EVC2: variants seen among roughly 807,000 people sequenced by gnomAD.
EVC2 encodes EvC ciliary complex subunit 2.
In EVC2, 148 loss-of-function variants were observed where a neutral mutation model predicts 149.3. The observed-to-expected ratio is 0.99, with a 90% CI of 0.87 to 1.14. The LOEUF is 1.14. Among genes scored for constraint, EVC2 ranks in the 50% most tolerant of loss-of-function variants. The pLI is 0.00. For synonymous variants in EVC2, 776 were observed against 649.9 expected (o/e 1.19, Z -2.95); for missense variants, 1,854 against 1,627.3 (o/e 1.14, Z -2.40).
At chr4:5,530,363 G>A in the EVC2 span, among the ~76,000 whole-genome samples, 12 of 152,130 alleles carry the variant, frequency 7.9e-5, no homozygotes, top group Admixed American at 2.0e-4. Context: ...ACGAAATTGC[G>A]TGTGTGGCTT....
At chr4:5,681,941 G>A (rs1376615795) in intron 6 of EVC2, among the ~76,000 whole-genome samples, 2 of 152,174 alleles carry the variant, frequency 1.3e-5, no homozygotes, top group Non-Finnish European at 2.9e-5. Flanking sequence ...TGGTGGTTAG[G>A]GCCAGGCTGT....
At chr4:5,642,760 A>C (rs1717432161) in intron 9 of EVC2, among the ~76,000 whole-genome samples, 1 of 152,194 alleles carries the variant, frequency 6.6e-6, no homozygotes. Flanking sequence ...CATCTTTGAT[A>C]ATTTGATTTG....
intron 17 of EVC2, among the ~76,000 whole-genome samples, chr4:5,582,498 A>G (rs77161155): frequency 0.017 from 2,553 of 152,322 alleles, 64 homozygotes; most frequent in African/African-American, 0.058. Flanking sequence ...CCCAGTGCCT[A>G]TAACTCCATT....
intron 16 of EVC2, 82 bp downstream of exon 16, chr4:5,615,339 CT>C (rs1715161594): frequency 6.2e-7 from 1 of 1,602,944 alleles, no homozygotes; most frequent in African/African-American, 1.3e-5. Context: ...CCCAAGGGCT[CT>C]GTGTGCCTGC....
chr4:5,601,318 A>T (rs904192088), intron 16 of EVC2, among the ~76,000 whole-genome samples: 21 of 152,234 alleles, frequency 1.4e-4, no homozygotes, highest in African/African-American at 4.6e-4. Context: ...TCTTAGAAAG[A>T]TATAACAAGT....
At chr4:5,663,877 C>T (rs774989371) in intron 8 of EVC2, among the ~76,000 whole-genome samples, 41 of 152,058 alleles carry the variant, frequency 2.7e-4, no homozygotes, top group Non-Finnish European at 4.7e-4. Flanking sequence ...GCCGAGATTG[C>T]GCCACTGCAC....
rs145674423 is a variant in EVC2, at chr4:5,610,970, C to T, written c.2829+4452G>A. Among the ~76,000 whole-genome samples the T allele has an allele frequency of 2.9e-3, 435 of 152,142 alleles. 1 individual carries two copies. Among genetic ancestry groups the T allele is most frequent in the African/African-American group, 1.0e-2 (414 of 41,506 alleles). On this transcript the variant is annotated intron_variant, in intron 16 of 21. Coordinates refer to ENST00000344408, the MANE Select transcript of EVC2 (RefSeq NM_147127.5). ...TAGTTGGATGGTCCTGAACAAGTCA[C>T]ACAGCCCCCAGTGATGCTGTCCCTC...
At chr4:5,578,628 G>A (rs1003789793) in intron 17 of EVC2, among the ~76,000 whole-genome samples, 1 of 152,056 alleles carries the variant, frequency 6.6e-6, no homozygotes, top group Admixed American at 6.5e-5. Context: ...ATACATAGAT[G>A]TTGATGATGG....
chr4:5,536,908 G>T, the EVC2 span, among the ~76,000 whole-genome samples: 1 of 152,058 alleles, frequency 6.6e-6, no homozygotes. Flanking sequence ...CATAGAAAAA[G>T]ACAAAGCATC....
rs534711226 is a variant in EVC2 at position 5,634,507 on chromosome 4, G to T, written c.1471-2475C>A. 3.9e-5 allele frequency among the ~76,000 whole-genome samples: 6 copies of T among 152,240 alleles called. No homozygotes were observed. The South Asian group carries it at 1.2e-3, about 32-fold the overall frequency. On this transcript the variant is annotated intron_variant, in intron 10 of 21. Coordinates refer to ENST00000344408, the MANE Select transcript of EVC2 (RefSeq NM_147127.5). ...GTAATTTCCATTTAGCTTCTCACAG[G>T]CAAGATAAAAAGCAGACACACACAC...
chr4:5,630,373 C>T (rs1202259010), intron 11 of EVC2, among the ~76,000 whole-genome samples: 1 of 152,114 alleles, frequency 6.6e-6, no homozygotes, highest in Non-Finnish European at 1.5e-5. Context: ...CAGGGAAGGC[C>T]GCCTGTGCCC....
chr4:5,568,418 G>A (rs1722436788), intron 20 of EVC2, 26 bp downstream of exon 20: 1 of 1,538,386 alleles, frequency 6.5e-7, no homozygotes, highest in African/African-American at 1.4e-5. Context: ...ACGTGCCCCG[G>A]GAGGCAGCCC....
chr4:5,640,772 C>CT lies in EVC2; in HGVS notation c.1211dup (p.Asp405GlyfsTer38). 6.2e-7 allele frequency: 1 copy of CT among 1,614,134 alleles called. No individual in the cohort carries two copies. The highest frequency in any genetic ancestry group is 2.2e-5 in the East Asian group (1 of 44,886). ...TTTTCAGCAGAAGGGCAATGATATC[C>CT]TTGCTGATTTGTGTTCGACAAGCCT... On this transcript the variant is annotated frameshift_variant, in exon 10 of 22. Transcript: ENST00000344408. LOFTEE classifies it high-confidence loss of function. This position sits in a 1 kb window ranked among gnomAD's most constrained non-coding sequence, Gnocchi z 4.6.
At chr4:5,611,993 C>T (rs1209562713) in intron 16 of EVC2, among the ~76,000 whole-genome samples, 1 of 152,182 alleles carries the variant, frequency 6.6e-6, no homozygotes, top group African/African-American at 2.4e-5. Flanking sequence ...GTTGATCTTC[C>T]TTACAGATTA....
rs1720724829 is a variant in EVC2 at position 5,686,539 on chromosome 4, G to C, written c.707-1060C>G. ...GATCTCCACACACTGCCCCGAGATG[G>C]ATGGAGAACACGTGATTTTCTGCAA... On this transcript the variant is annotated intron_variant, in intron 5 of 21. Coordinates refer to ENST00000344408, the MANE Select transcript of EVC2 (RefSeq NM_147127.5). This position sits in a 1 kb window ranked among gnomAD's most constrained non-coding sequence, Gnocchi z 5.4. Among the ~76,000 whole-genome samples, 2 of 152,144 alleles carry C rather than the reference G, an allele frequency of 1.3e-5. No homozygotes were observed. Among genetic ancestry groups the C allele is most frequent in the Non-Finnish European group, 2.9e-5 (2 of 68,034 alleles).
Position 5,563,063 on chromosome 4 carries a change from T to C in EVC2, c.3712A>G (p.Lys1238Glu). 1 of 1,614,150 alleles carries C rather than the reference T, an allele frequency of 6.2e-7. No individual in the cohort carries two copies. Among genetic ancestry groups the C allele is most frequent in the Non-Finnish European group, 8.5e-7 (1 of 1,180,022 alleles). Reference sequence around the variant, plus strand: ...AGTGACAGGTGTGGCCAACTTCCTTTTCCAGAGAATATCATCCTCTCTCTG... The same window carrying C: ...AGTGACAGGTGTGGCCAACTTCCTTCTCCAGAGAATATCATCCTCTCTCTG... ...PLRERMIFSGKGSWPHLSLEP... is the reference protein window; with the variant it reads ...PLRERMIFSGEGSWPHLSLEP... The change falls in exon 22 of 22, where the codon AAA becomes GAA. Residue 1238 changes from lysine to glutamate, a missense_variant. Transcript: ENST00000344408.
At chr4:5,592,102 G>T (rs1225034936) in intron 16 of EVC2, among the ~76,000 whole-genome samples, 1 of 152,174 alleles carries the variant, frequency 6.6e-6, no homozygotes, top group Admixed American at 6.5e-5. Flanking sequence ...AGATGCAAGG[G>T]TGAGCTAGCT....
rs148508556 is a variant in EVC2 at position 5,655,118 on chromosome 4, C to T, written c.1145+7989G>A. On this transcript the variant is annotated intron_variant, in intron 9 of 21. Transcript: ENST00000344408. ...GCTGGAAGACGACAGCGAGAGTTGC[C>T]GTGGGAACCCAGCAGGCATTCCCTC... Among the ~76,000 whole-genome samples the T allele has an allele frequency of 3.3e-3, 508 of 152,276 alleles. 1 individual carries two copies. The highest frequency in any genetic ancestry group is 5.7e-3 in the Non-Finnish European group (389 of 68,024).
At position 5,685,452 on chromosome 4, in the gene EVC2, G is replaced by A; in HGVS notation, c.734C>T (p.Ala245Val). Reference protein sequence around the residue: ...QVGDAFAVSYAATLQAGDLGN... With the variant: ...QVGDAFAVSYVATLQAGDLGN... ...GAGGTCTCCAGCCTGGAGCGTGGCT[G>A]CGTAGCTGACAGCAAAGGCATCTCC... is the stretch of plus-strand genomic sequence containing the variant. The change falls in exon 6 of 22, where the codon GCA (alanine) becomes GTA (valine). Residue 245 changes from alanine (A) to valine (V), a missense_variant. Ala to Val is a moderately conservative substitution (Grantham distance 64). Transcript: ENST00000344408. 1 of 1,614,216 alleles carries A rather than the reference G, an allele frequency of 6.2e-7. No individual in the cohort carries two copies. Among genetic ancestry groups the A allele is most frequent in the Non-Finnish European group, 8.5e-7 (1 of 1,180,038 alleles).
Sources: gnomAD v4.1 joint callset for allele counts (sites outside exome capture counted in the v4.1 genomes callset) on GRCh38, gnomAD v4.1.1 for gene constraint, Gnocchi (gnomAD v3.1) non-coding constraint, MANE v1.5 for transcripts, NCBI Gene and HGNC (gene_info 2026-07-23, HGNC 2026-07-21) for gene names.